Variants in GALM observed in about 807,000 individuals in gnomAD.
GALM encodes galactose mutarotase.
GALM carries 43 observed loss-of-function variants against 37.4 expected under a neutral mutation model. That is an observed-to-expected ratio of 1.15 (90% CI 0.90 to 1.48). The LOEUF (loss-of-function observed/expected upper bound fraction) is 1.48. Among genes scored for constraint, GALM ranks in the 40% most tolerant of loss-of-function variants. The pLI, the probability that GALM is intolerant of heterozygous loss-of-function variation, is 0.00. For missense variants in GALM, 456 were observed against 419.1 expected (o/e 1.09, Z -0.77); for synonymous variants, 199 against 170.6 (o/e 1.17, Z -1.30).
intron 4 of GALM, among the ~76,000 whole-genome samples, chr2:38,709,786 C>T (rs932876583): frequency 1.3e-5 from 2 of 152,188 alleles, no homozygotes; most frequent in African/African-American, 4.8e-5. Flanking sequence ...TAATTATCAT[C>T]CTCTTTATGT....
intron 4 of GALM, among the ~76,000 whole-genome samples, chr2:38,723,088 C>T (rs187751227): frequency 9.1e-4 from 139 of 152,236 alleles, no homozygotes; most frequent in Non-Finnish European, 1.6e-3. Context: ...TTTCAATCAA[C>T]GAAAGGCTCT....
intron 3 of GALM, among the ~76,000 whole-genome samples, chr2:38,685,033 C>A (rs904924819): frequency 2.0e-5 from 3 of 152,140 alleles, no homozygotes; most frequent in African/African-American, 7.2e-5. Flanking sequence ...GGAATCACCT[C>A]CTCATATAGT....
chr2:38,693,226 T>A (rs928870052), intron 4 of GALM, among the ~76,000 whole-genome samples: 3 of 152,180 alleles, frequency 2.0e-5, no homozygotes. Context: ...CTAATGCCTG[T>A]AATCCCAGCA....
intron 4 of GALM, among the ~76,000 whole-genome samples, chr2:38,707,221 G>A (rs1228779990): frequency 1.3e-5 from 2 of 152,044 alleles, no homozygotes; most frequent in Admixed American, 1.3e-4. Flanking sequence ...TCCAGCAGCT[G>A]GATGCATGAG....
intron 4 of GALM, chr2:38,698,333 G>A: frequency 8.0e-7 from 1 of 1,246,958 alleles, no homozygotes; most frequent in Non-Finnish European, 1.1e-6. Flanking sequence ...CATAGCCCTT[G>A]CTCACAGGTG....
At chr2:38,691,997 T>C (rs768876352) in intron 4 of GALM, among the ~76,000 whole-genome samples, 7 of 152,214 alleles carry the variant, frequency 4.6e-5, no homozygotes, top group Non-Finnish European at 7.3e-5. Context: ...GAACTAGTAA[T>C]TGATCTGTAA....
At chr2:38,677,181 A>G (rs1299330100) in intron 2 of GALM, among the ~76,000 whole-genome samples, 3 of 152,184 alleles carry the variant, frequency 2.0e-5, no homozygotes, top group African/African-American at 7.2e-5. Flanking sequence ...TTGCTCTCTT[A>G]CTAGTCTAAT....
At chr2:38,688,184 C>T (rs1313702169) in intron 3 of GALM, among the ~76,000 whole-genome samples, 2 of 151,262 alleles carry the variant, frequency 1.3e-5, no homozygotes, top group East Asian at 3.9e-4. Context: ...TTCACTCCGG[C>T]CTGGGCGACA....
rs1665195799 is a variant in GALM at position 38,674,646 on chromosome 2, C to CTTTA, written c.191-1265_191-1264insTTAT. 2.0e-5 allele frequency among the ~76,000 whole-genome samples: 3 copies of CTTTA among 152,166 alleles called. No individual in the cohort carries two copies. In the South Asian group the frequency reaches 6.2e-4, roughly 32 times the overall value. On this transcript the variant is annotated intron_variant, in intron 1 of 6. Transcript: ENST00000272252. Reference sequence around the variant, plus strand: ...ATATCCTTGTGTATTACCTAACTCTCTCTAAAGGATATTTTAATGTACTAA... The same window carrying CTTTA: ...ATATCCTTGTGTATTACCTAACTCTCTTTATCTAAAGGATATTTTAATGTACTAA...
intron 1 of GALM, among the ~76,000 whole-genome samples, chr2:38,675,513 T>TG (rs1665222756): frequency 1.4e-5 from 2 of 142,100 alleles, no homozygotes; most frequent in African/African-American, 5.4e-5. Context: ...ACCTTTGGAT[T>TG]GAGGGTTTTT....
intron 3 of GALM, among the ~76,000 whole-genome samples, chr2:38,681,760 A>C (rs1665401517): frequency 6.6e-6 from 1 of 152,222 alleles, no homozygotes; most frequent in African/African-American, 2.4e-5. Flanking sequence ...TCAGAATCTA[A>C]TTGTAACATG....
chr2:38,675,696 G>C (rs994935759), intron 1 of GALM, among the ~76,000 whole-genome samples: 1 of 151,654 alleles, frequency 6.6e-6, no homozygotes, highest in Non-Finnish European at 1.5e-5. Context: ...AGCCTCCCGA[G>C]TAGCTGGGAC....
chr2:38,699,015 G>A (rs1377020582), intron 4 of GALM, among the ~76,000 whole-genome samples: 1 of 152,188 alleles, frequency 6.6e-6, no homozygotes, highest in Non-Finnish European at 1.5e-5. Context: ...CTGGGTTCAA[G>A]CAATTCTCCT....
intron 4 of GALM, among the ~76,000 whole-genome samples, chr2:38,725,205 A>G (rs1490901413): frequency 6.6e-6 from 1 of 152,224 alleles, no homozygotes; most frequent in East Asian, 1.9e-4. Flanking sequence ...TCCTGAGCCC[A>G]TGAGAATACC....
intron 4 of GALM, among the ~76,000 whole-genome samples, chr2:38,723,313 G>A (rs996165334): frequency 6.6e-6 from 1 of 152,186 alleles, no homozygotes; most frequent in Non-Finnish European, 1.5e-5. Flanking sequence ...CTGCAAAGCT[G>A]AAACAGCCTG....
chr2:38,688,072 T>C (rs559778343), intron 3 of GALM, among the ~76,000 whole-genome samples: 24 of 150,566 alleles, frequency 1.6e-4, no homozygotes, highest in Non-Finnish European at 3.1e-4. Context: ...ATTAGCCAAG[T>C]GTGGTGGCAC....
chr2:38,672,389 T>C (rs1665131061), intron 1 of GALM, among the ~76,000 whole-genome samples: 1 of 152,190 alleles, frequency 6.6e-6, no homozygotes, highest in Non-Finnish European at 1.5e-5. Flanking sequence ...TCTTTGGGAC[T>C]CCTTTTGGTT....
At chr2:38,720,090 T>C (rs1267972036) in intron 4 of GALM, among the ~76,000 whole-genome samples, 3 of 152,050 alleles carry the variant, frequency 2.0e-5, no homozygotes, top group African/African-American at 7.2e-5. Flanking sequence ...CACACACTTG[T>C]AGTCCTAGCT....
chr2:38,710,693 C>A (rs1282262843), intron 4 of GALM, among the ~76,000 whole-genome samples: 2 of 151,966 alleles, frequency 1.3e-5, no homozygotes, highest in African/African-American at 4.8e-5. Flanking sequence ...GCATGAGCCA[C>A]CATGCCTGGT....
Sources: allele counts gnomAD v4.1 joint callset (sites outside exome capture counted in the v4.1 genomes callset), GRCh38; gene constraint gnomAD v4.1.1; transcripts MANE v1.5; gene names NCBI Gene and HGNC (gene_info 2026-07-23, HGNC 2026-07-21).